TEK: variants seen among roughly 807,000 people sequenced by gnomAD.
TEK encodes the protein angiopoietin-1 receptor.
In TEK, 43 loss-of-function variants were observed where a neutral mutation model predicts 131.8. The ratio of observed to expected loss-of-function variants is 0.33; its 90% CI spans 0.26 to 0.42. The LOEUF (loss-of-function observed/expected upper bound fraction) is 0.42. Among genes scored for constraint, TEK ranks in the 10% least tolerant of loss-of-function variants. The pLI is 1.00. For synonymous variants in TEK, 580 were observed against 491.6 expected (o/e 1.18, Z -2.38); for missense variants, 1,162 against 1,384.4 (o/e 0.84, Z 2.55).
At chr9:27,222,837 A>ATGAC (rs1391180730) in intron 21 of TEK, among the ~76,000 whole-genome samples, 3 of 152,200 alleles carry the variant, frequency 2.0e-5, no homozygotes, top group African/African-American at 2.4e-5. Flanking sequence ...GTGCAGCATA[A>ATGAC]TGACAGGATC....
chr9:27,207,119 C>A (rs908692963), intron 15 of TEK, among the ~76,000 whole-genome samples: 1 of 152,212 alleles, frequency 6.6e-6, no homozygotes, highest in Non-Finnish European at 1.5e-5. Context: ...ATCAGAATCA[C>A]CTGGAAGGCT....
chr9:27,123,487 A>G (rs1419876625), intron 1 of TEK, among the ~76,000 whole-genome samples: 2 of 152,174 alleles, frequency 1.3e-5, no homozygotes, highest in African/African-American at 4.8e-5. Flanking sequence ...GAGGGTAGGT[A>G]TTTTCATGGA....
In TEK at chr9:27,163,999, C is replaced by T. The variant is rs1011823679; in HGVS notation, c.365-4496C>T. Among the ~76,000 whole-genome samples, 10 of 152,280 alleles carry T rather than the reference C, an allele frequency of 6.6e-5. No individual in the cohort carries two copies. The South Asian group carries it at 1.5e-3, about 22-fold the overall frequency. ...ATTAGCCCATCCAAATGATCTTAAG[C>T]AAGTTATCTTCCAACCTAGGCCTCA... On this transcript the variant is annotated intron_variant, in intron 2 of 22. Coordinates refer to ENST00000380036, the MANE Select transcript of TEK (RefSeq NM_000459.5).
intron 18 of TEK, among the ~76,000 whole-genome samples, chr9:27,213,945 A>C (rs994655509): frequency 2.0e-5 from 3 of 152,220 alleles, no homozygotes; most frequent in African/African-American, 4.8e-5. Flanking sequence ...CAGCTGACAC[A>C]GCAAGGAAAA....
rs903437526 is a variant in TEK at position 27,209,162 on chromosome 9, C to T, written c.2617C>T (p.Leu873=). 1.2e-6 allele frequency: 2 copies of T among 1,614,030 alleles called. No individual in the cohort carries two copies. The highest frequency in any genetic ancestry group is 1.7e-6 in the Non-Finnish European group (2 of 1,179,930). Residue 873 remains leucine (L), a synonymous_variant, in exon 16 of 23, where the codon CTG becomes TTG. Transcript: ENST00000380036. The part of the protein sequence containing the change: ...KDDHRDFAGE[L]EVLCKLGHHP... ...TGATCACAGGGACTTTGCAGGAGAACTGGAAGTTCTTTGTAAACTTGGACA... is the reference window on the plus strand; with the variant it reads ...TGATCACAGGGACTTTGCAGGAGAATTGGAAGTTCTTTGTAAACTTGGACA...
intron 1 of TEK, among the ~76,000 whole-genome samples, chr9:27,137,075 C>T (rs538629212): frequency 8.5e-5 from 13 of 152,252 alleles, no homozygotes; most frequent in African/African-American, 3.1e-4. Context: ...GCTGCCACGC[C>T]TGGCTAATTT....
chr9:27,155,239 T>G (rs541388764), intron 1 of TEK, among the ~76,000 whole-genome samples: 34 of 152,322 alleles, frequency 2.2e-4, no homozygotes, highest in African/African-American at 7.7e-4. Context: ...GTGTTATTTT[T>G]GGAGGCTGTA....
intron 12 of TEK, chr9:27,198,534 A>G (rs1825107245): frequency 6.6e-6 from 1 of 152,240 alleles, no homozygotes; most frequent in African/African-American, 2.4e-5. Context: ...GGAATTCTTC[A>G]TATATAATGT....
chr9:27,128,604 C>T (rs997507795), intron 1 of TEK, among the ~76,000 whole-genome samples: 1 of 152,154 alleles, frequency 6.6e-6, no homozygotes, highest in African/African-American at 2.4e-5. Flanking sequence ...TCTTCCTATC[C>T]ATGAGCATGG....
At chr9:27,219,732 A>T (rs112508520) in intron 20 of TEK, among the ~76,000 whole-genome samples, 61,522 of 132,048 alleles carry the variant, frequency 0.47, 14,362 homozygotes, top group Middle Eastern at 0.58. Context: ...AATCAGAAAA[A>T]AAGGTTAATC....
intron 15 of TEK, among the ~76,000 whole-genome samples, chr9:27,208,825 A>G (rs1379944213): frequency 6.6e-6 from 1 of 152,220 alleles, no homozygotes; most frequent in Non-Finnish European, 1.5e-5. Flanking sequence ...GATTTTGCCC[A>G]TGGGGGCATT....
At chr9:27,166,212 C>T (rs1213424387) in intron 2 of TEK, among the ~76,000 whole-genome samples, 2 of 152,158 alleles carry the variant, frequency 1.3e-5, no homozygotes, top group Non-Finnish European at 2.9e-5. Flanking sequence ...GCATTCTGGT[C>T]AGAGAATTTT....
Position 27,218,759 on chromosome 9 carries a change from C to T in TEK, c.3063-18C>T. ...CTCTGTTTGCTGATTGTTGGTTTCA[C>T]ACTTGTCCCTCCTGCAGATGGTCCT... On this transcript the variant is annotated intron_variant, in intron 19 of 22. Coordinates refer to ENST00000380036, the MANE Select transcript of TEK (RefSeq NM_000459.5). 1 of 1,613,950 alleles carries T rather than the reference C, an allele frequency of 6.2e-7. No homozygotes were observed. Among genetic ancestry groups the T allele is most frequent in the African/African-American group, 1.3e-5 (1 of 75,016 alleles).
At chr9:27,202,598 G>T (rs570664876) in intron 12 of TEK, among the ~76,000 whole-genome samples, 3 of 152,274 alleles carry the variant, frequency 2.0e-5, no homozygotes, top group African/African-American at 7.2e-5. Context: ...CCTTCATTTA[G>T]TGTCAAGATG....
At chr9:27,216,818 C>T (rs1206968325) in intron 18 of TEK, among the ~76,000 whole-genome samples, 1 of 152,106 alleles carries the variant, frequency 6.6e-6, no homozygotes, top group Non-Finnish European at 1.5e-5. Context: ...GGTTTTGTTC[C>T]ACCCACTGGC....
At chr9:27,134,976 G>T (rs541647581) in intron 1 of TEK, among the ~76,000 whole-genome samples, 145 of 152,252 alleles carry the variant, frequency 9.5e-4, no homozygotes, top group African/African-American at 3.4e-3. Flanking sequence ...TATAATCCCA[G>T]CACTTTCGGA....
At chr9:27,206,434 G>T (rs2131214554) in intron 14 of TEK, 148 bp from the exon 15 acceptor site, 3 of 953,808 alleles carry the variant, frequency 3.1e-6, no homozygotes, top group Non-Finnish European at 4.7e-6. Context: ...GGGCAGTCCT[G>T]TGTGATGAAA....
chr9:27,184,035 G>A (rs1824501560), intron 8 of TEK, among the ~76,000 whole-genome samples: 1 of 152,146 alleles, frequency 6.6e-6, no homozygotes, highest in Non-Finnish European at 1.5e-5. Flanking sequence ...AGTGCAACCA[G>A]GACATGGAGT....
intron 1 of TEK, among the ~76,000 whole-genome samples, chr9:27,131,774 TCCCGACTG>T (rs1822235568): frequency 6.6e-6 from 1 of 151,472 alleles, no homozygotes; most frequent in Admixed American, 6.6e-5. Flanking sequence ...ACCACTGCAC[TCCCGACTG>T]GGTGACAGAG....
Sources: allele counts gnomAD v4.1 joint callset (sites outside exome capture counted in the v4.1 genomes callset), GRCh38; gene constraint gnomAD v4.1.1; transcripts MANE v1.5; gene names NCBI Gene and HGNC (gene_info 2026-07-23, HGNC 2026-07-21).